The following NDUFAF5 variants were observed in gnomAD, a reference collection of about 807,000 sequenced individuals.
NDUFAF5 encodes NADH:ubiquinone oxidoreductase complex assembly factor 5.
In NDUFAF5, 34 loss-of-function variants were observed where a neutral mutation model predicts 48.9. The ratio of observed to expected loss-of-function variants is 0.70; its 90% confidence interval spans 0.53 to 0.93. The LOEUF is 0.93. NDUFAF5 is among the 40% of genes least tolerant of loss of function. The probability of loss-of-function intolerance (pLI) is 0.00; values close to 1 mark genes in which losing one functional copy is unlikely to be tolerated. For missense variants in NDUFAF5, 428 were observed against 427.5 expected (o/e 1.00, Z -0.01); for synonymous variants, 153 against 150.6 (o/e 1.02, Z -0.12).
chr20:13,785,399 T>A, intron 1 of NDUFAF5, 109 bp downstream of exon 1: 1 of 908,216 alleles, frequency 1.1e-6, no homozygotes, highest in South Asian at 1.6e-5. Flanking sequence ...CGTCTGACCT[T>A]GACCAGCAGC....
intron 4 of NDUFAF5, among the ~76,000 whole-genome samples, chr20:13,794,095 T>A (rs1982777185): frequency 6.6e-6 from 1 of 152,212 alleles, no homozygotes; most frequent in African/African-American, 2.4e-5. Context: ...TTGTTTACAT[T>A]GTTTATTGAT....
rs569891043 is a variant in NDUFAF5 at position 13,787,660 on chromosome 20, C to T, written c.263+308C>T. On this transcript the variant is annotated intron_variant, in intron 2 of 10. Coordinates refer to ENST00000378106, the MANE Select transcript of NDUFAF5 (RefSeq NM_024120.5). Reference sequence around the variant, plus strand: ...AAAAATGGAGATACTTAACAACATGCGAATTTTTAACATCCGAAGCCTCTG... The same window carrying T: ...AAAAATGGAGATACTTAACAACATGTGAATTTTTAACATCCGAAGCCTCTG... 3.3e-5 allele frequency among the ~76,000 whole-genome samples: 5 copies of T among 152,230 alleles called. No individual in the cohort carries two copies. The South Asian group carries it at 1.0e-3, about 32-fold the overall frequency.
Position 13,818,495 on chromosome 20 carries a change from C to CA in NDUFAF5, c.*1291dup, listed in dbSNP as rs1250373862. ...AGAACTTGAAGAGAGAGAACAACAACAAAAAACAAACTGCGCTAGCCAGGT... is the reference window on the plus strand; with the variant it reads ...AGAACTTGAAGAGAGAGAACAACAACAAAAAAACAAACTGCGCTAGCCAGGT... On this transcript the variant is annotated 3_prime_UTR_variant, in exon 11 of 11. Coordinates refer to ENST00000378106, the MANE Select transcript of NDUFAF5 (RefSeq NM_024120.5). 3.0e-6 allele frequency: 1 copy of CA among 338,274 alleles called. No homozygotes were observed. The highest frequency in any genetic ancestry group is 2.2e-5 in the African/African-American group (1 of 44,932). The allele number at this position is 338,274 out of a possible 1,614,324, so 21.0% of individuals were successfully genotyped here. A position where few individuals can be genotyped will look rare whatever the true frequency, so the allele number is the denominator to read the frequency against.
At position 13,814,554 on chromosome 20, in the gene NDUFAF5, T is replaced by G. The variant is rs904358067; in HGVS notation, c.779-1909T>G. The stretch of plus-strand genomic sequence containing the variant: ...TTTTTTTAAACAATACTCAGTATTG[T>G]TTTTAGTAAACTGTAATAAATTAGG... On this transcript the variant is annotated intron_variant, in intron 8 of 10. Coordinates refer to ENST00000378106, the MANE Select transcript of NDUFAF5 (RefSeq NM_024120.5). The G allele has an allele frequency of 5.9e-6, 6 of 1,016,096 alleles. No homozygotes were observed. The Admixed American group carries it at 1.4e-4, about 24-fold the overall frequency. The allele number at this position is 1,016,096 out of a possible 1,614,324, so 62.9% of individuals were successfully genotyped here. A position where few individuals can be genotyped will look rare whatever the true frequency, so the allele number is the denominator to read the frequency against.
At chr20:13,799,780 G>A (rs1359129307) in intron 6 of NDUFAF5, among the ~76,000 whole-genome samples, 2 of 151,918 alleles carry the variant, frequency 1.3e-5, no homozygotes, top group African/African-American at 4.8e-5. Flanking sequence ...CCAAGAATGA[G>A]ATAAACTAAA....
rs994779200 is a variant in NDUFAF5, at chr20:13,815,594, A to T, written c.779-869A>T. 2.6e-5 allele frequency among the ~76,000 whole-genome samples: 4 copies of T among 152,202 alleles called. No individual in the cohort carries two copies. The South Asian group carries it at 6.2e-4, about 24-fold the overall frequency. On this transcript the variant is annotated intron_variant, in intron 8 of 10. Coordinates refer to ENST00000378106, the MANE Select transcript of NDUFAF5 (RefSeq NM_024120.5). The stretch of plus-strand genomic sequence containing the variant: ...AAAATATGGTAGATTATTATTTTTA[A>T]ACTGTGAAAGAATACTGATATTGGT...
intron 3 of NDUFAF5, 167 bp from the exon 4 acceptor site, chr20:13,793,013 A>G (rs2147506644): frequency 2.8e-6 from 2 of 706,232 alleles, no homozygotes; most frequent in Non-Finnish European, 4.9e-6. Context: ...TAAATATAGC[A>G]AAGGATATGT....
rs925878559 is a variant in NDUFAF5 at position 13,802,407 on chromosome 20, G to A, written c.717+724G>A. 3.9e-5 allele frequency among the ~76,000 whole-genome samples: 6 copies of A among 152,182 alleles called. No individual in the cohort carries two copies. In the East Asian group the frequency reaches 5.8e-4, roughly 15 times the overall value. On this transcript the variant is annotated intron_variant, in intron 7 of 10. Coordinates refer to ENST00000378106, the MANE Select transcript of NDUFAF5 (RefSeq NM_024120.5). Reference sequence around the variant, plus strand: ...TGTGTGGCTGGGTGCGGTGGCTCACGCCTGTAATCCCAGCACTTTGGGAGG... The same window carrying A: ...TGTGTGGCTGGGTGCGGTGGCTCACACCTGTAATCCCAGCACTTTGGGAGG...
intron 3 of NDUFAF5, among the ~76,000 whole-genome samples, chr20:13,789,822 G>C (rs1981973354): frequency 6.6e-6 from 1 of 152,156 alleles, no homozygotes; most frequent in Admixed American, 6.5e-5. Context: ...TAAAACCATA[G>C]ACTTGGGCCA....
chr20:13,785,344 C>T (rs1234243228), intron 1 of NDUFAF5, 54 bp downstream of exon 1: 5 of 1,467,884 alleles, frequency 3.4e-6, no homozygotes, highest in Non-Finnish European at 4.7e-6. Context: ...GGCTTGTTTT[C>T]CTCTCCGCTA....
At chr20:13,799,504 G>T (rs796794577) in intron 6 of NDUFAF5, among the ~76,000 whole-genome samples, 20 of 152,132 alleles carry the variant, frequency 1.3e-4, no homozygotes, top group African/African-American at 4.3e-4. Flanking sequence ...TTCGAGACCA[G>T]CCTGGCCAAC....
chr20:13,800,166 A>C (rs1983904929), intron 6 of NDUFAF5, among the ~76,000 whole-genome samples: 1 of 152,120 alleles, frequency 6.6e-6, no homozygotes, highest in South Asian at 2.1e-4. Flanking sequence ...GAAAGTGGTC[A>C]TTGTGAAATC....
At chr20:13,798,547 T>C in intron 6 of NDUFAF5, 47 bp downstream of exon 6, 1 of 1,387,726 alleles carries the variant, frequency 7.2e-7, no homozygotes, top group Non-Finnish European at 1.0e-6. Flanking sequence ...ATTTTCTTTA[T>C]TGTTAGAAAT....
At chr20:13,788,926 A>T (rs933128141) in intron 3 of NDUFAF5, among the ~76,000 whole-genome samples, 3 of 152,020 alleles carry the variant, frequency 2.0e-5, no homozygotes, top group Non-Finnish European at 4.4e-5. Flanking sequence ...CTTTGTTCAC[A>T]TTTTTTTATA....
In NDUFAF5 at chr20:13,819,766, G is replaced by A. The variant is rs943773426; in HGVS notation, c.*2556G>A. On this transcript the variant is annotated 3_prime_UTR_variant, in exon 11 of 11. Transcript: ENST00000378106. The stretch of plus-strand genomic sequence containing the variant: ...TCCCAAGAATGCTGTGGTTGGTTTT[G>A]TGTCTTTTCCAGCACTTTTCTTACT... 1 of 152,198 alleles carries A rather than the reference G, an allele frequency of 6.6e-6. No homozygotes were observed. The highest frequency in any genetic ancestry group is 1.5e-5 in the Non-Finnish European group (1 of 68,044). The allele number at this position is 152,198 out of a possible 1,614,324, so 9.4% of individuals were successfully genotyped here.
chr20:13,785,352 C>G, intron 1 of NDUFAF5, 62 bp downstream of exon 1: 6 of 1,394,562 alleles, frequency 4.3e-6, no homozygotes, highest in Non-Finnish European at 5.9e-6. Flanking sequence ...TTCCTCTCCG[C>G]TAGTTCCGGC....
intron 8 of NDUFAF5, among the ~76,000 whole-genome samples, chr20:13,813,151 T>C (rs1022229629): frequency 1.2e-4 from 19 of 152,344 alleles, no homozygotes; most frequent in Admixed American, 9.8e-4. Flanking sequence ...GGTTTCACCA[T>C]GTTGGCCAGG....
chr20:13,791,877 G>T (rs1005537), intron 3 of NDUFAF5, among the ~76,000 whole-genome samples: 142,742 of 152,264 alleles, frequency 0.94, 67,092 homozygotes, highest in African/African-American at 0.98. Flanking sequence ...CTACACCCAA[G>T]GGTAGCTGAA....
intron 8 of NDUFAF5, among the ~76,000 whole-genome samples, chr20:13,809,337 A>C (rs1985530001): frequency 6.6e-6 from 1 of 152,214 alleles, no homozygotes; most frequent in Non-Finnish European, 1.5e-5. Context: ...GAAATGTCCC[A>C]GTCTGGGAGA....
Sources: gnomAD v4.1 joint callset for allele counts (sites outside exome capture counted in the v4.1 genomes callset) on GRCh38, gnomAD v4.1.1 for gene constraint, MANE v1.5 for transcripts, NCBI Gene and HGNC (gene_info 2026-07-23, HGNC 2026-07-21) for gene names.